The following VPS13B variants were observed in gnomAD, a reference collection of about 807,000 sequenced individuals.
VPS13B encodes vacuolar protein sorting 13 homolog B.
Under a neutral mutation model 426.4 loss-of-function variants are expected in VPS13B, and 285 were observed. The ratio of observed to expected loss-of-function variants is 0.67; its 90% confidence interval spans 0.61 to 0.74. VPS13B has a LOEUF of 0.74. Ranked by LOEUF, VPS13B falls within the 30% of genes least tolerant of loss-of-function variation. The probability of loss-of-function intolerance (pLI) is 0.00; values close to 1 mark genes in which losing one functional copy is unlikely to be tolerated. For missense variants in VPS13B, 4,537 were observed against 4,782.6 expected (o/e 0.95, Z 1.51); for synonymous variants, 1,676 against 1,676.4 (o/e 1.00, Z 0.01).
chr8:99,128,159 G>A (rs919398449), intron 8 of VPS13B, among the ~76,000 whole-genome samples: 2 of 151,880 alleles, frequency 1.3e-5, no homozygotes, highest in Non-Finnish European at 2.9e-5. Context: ...GGGAGGCTGA[G>A]GTGGGCGGAT....
At chr8:99,688,198 A>G (rs910858120) in intron 35 of VPS13B, among the ~76,000 whole-genome samples, 5 of 150,684 alleles carry the variant, frequency 3.3e-5, no homozygotes, top group African/African-American at 7.4e-5. Flanking sequence ...GGAGGAGGCA[A>G]TAAAGAGTTT....
intron 19 of VPS13B, among the ~76,000 whole-genome samples, chr8:99,349,331 T>C (rs1274015516): frequency 2.9e-4 from 1 of 3,434 alleles, no homozygotes; most frequent in Non-Finnish European, 7.0e-4. Flanking sequence ...AGACTCCGTC[T>C]CAAAAAAAAA....
intron 33 of VPS13B, among the ~76,000 whole-genome samples, chr8:99,596,069 C>T (rs4735624): frequency 0.041 from 6,281 of 151,972 alleles, 139 homozygotes; most frequent in East Asian, 0.06. Flanking sequence ...GAATGTTTAC[C>T]TACATAACCT....
At chr8:99,427,946 G>T (rs573456348) in intron 21 of VPS13B, among the ~76,000 whole-genome samples, 54 of 152,010 alleles carry the variant, frequency 3.6e-4, no homozygotes, top group Non-Finnish European at 4.1e-4. Flanking sequence ...GAGATATAGA[G>T]CAATGGAACA....
chr8:99,089,998 A>C (rs1462145344), intron 3 of VPS13B, among the ~76,000 whole-genome samples: 1 of 152,166 alleles, frequency 6.6e-6, no homozygotes, highest in Non-Finnish European at 1.5e-5. Flanking sequence ...AATACTGGTC[A>C]GTTGTGCCTG....
In VPS13B at chr8:99,575,665, C is replaced by A. The variant is rs766323056; in HGVS notation, c.4957C>A (p.Arg1653=). Residue 1653 remains arginine (R), a synonymous_variant, in exon 32 of 62, where the codon CGG becomes AGG. Coordinates refer to ENST00000357162, the MANE Select transcript of VPS13B (RefSeq NM_152564.5). ...TTTTACTCTATCTTTTAGCATACGG[C>A]GGCATCAAGAAAGGAGAGCAATTTT... is the stretch of plus-strand genomic sequence containing the variant. ...LEWNMASSIR[R]HQERRAILTP... is the part of the protein sequence containing the mutation. 1 of 1,613,768 alleles carries A rather than the reference C, an allele frequency of 6.2e-7. No individual in the cohort carries two copies. The highest frequency in any genetic ancestry group is 8.5e-7 in the Non-Finnish European group (1 of 1,179,876).
chr8:99,513,449 G>GATTTTGA (rs1821900237), intron 29 of VPS13B, among the ~76,000 whole-genome samples: 1 of 152,100 alleles, frequency 6.6e-6, no homozygotes, highest in Non-Finnish European at 1.5e-5. Flanking sequence ...TATGAAAAAA[G>GATTTTGA]CTGAGGAAAT....
Position 99,462,450 on chromosome 8 carries a change from C to G in VPS13B, c.3446-4964C>G, listed in dbSNP as rs1818893411. Among the ~76,000 whole-genome samples, 3 of 152,116 alleles carry G rather than the reference C, an allele frequency of 2.0e-5. No homozygotes were observed. In the South Asian group the frequency reaches 6.2e-4, roughly 32 times the overall value. On this transcript the variant is annotated intron_variant, in intron 23 of 61. Transcript: ENST00000357162. The stretch of plus-strand genomic sequence containing the variant: ...TTTCTGTGGATCTTGGCCATTCTTT[C>G]TGAACGTTCTTCATGGGCTGTTTTT...
intron 33 of VPS13B, among the ~76,000 whole-genome samples, chr8:99,620,581 A>G (rs1335402538): frequency 6.6e-6 from 1 of 152,148 alleles, no homozygotes; most frequent in East Asian, 1.9e-4. Context: ...CTCTGTGGTT[A>G]TAAGGATAAA....
At position 99,790,455 on chromosome 8, in the gene VPS13B, T is replaced by C. The variant is rs1812483494; in HGVS notation, c.7941+5979T>C. Among the ~76,000 whole-genome samples the C allele has an allele frequency of 1.3e-5, 2 of 152,310 alleles. 1 individual carries two copies. The highest frequency in any genetic ancestry group is 6.8e-3 in the Middle Eastern group (2 of 294). ...AAATATATACATTCTTCTAAGGAACTTACTGTCTATTGAGGGACCCAGAAA... is the reference window on the plus strand; with the variant it reads ...AAATATATACATTCTTCTAAGGAACCTACTGTCTATTGAGGGACCCAGAAA... On this transcript the variant is annotated intron_variant, in intron 43 of 61. Transcript: ENST00000357162.
intron 17 of VPS13B, among the ~76,000 whole-genome samples, chr8:99,220,512 CAT>C (rs1370589259): frequency 6.6e-6 from 1 of 152,106 alleles, no homozygotes; most frequent in Non-Finnish European, 1.5e-5. Context: ...TGTTGTTAAA[CAT>C]ATGAAGTGAT....
intron 17 of VPS13B, among the ~76,000 whole-genome samples, chr8:99,249,648 C>T (rs1311629649): frequency 2.6e-5 from 4 of 152,140 alleles, no homozygotes; most frequent in Admixed American, 6.5e-5. Context: ...TGGTCTCGAT[C>T]TCCTGACCTC....
chr8:99,551,238 T>C (rs1824265692), intron 30 of VPS13B, among the ~76,000 whole-genome samples: 1 of 145,572 alleles, frequency 6.9e-6, no homozygotes, highest in Non-Finnish European at 1.5e-5. Context: ...CTGAATCTTT[T>C]GTCTTCAGGC....
chr8:99,283,265 A>G, intron 19 of VPS13B, among the ~76,000 whole-genome samples: 1 of 152,208 alleles, frequency 6.6e-6, no homozygotes, highest in East Asian at 1.9e-4. Flanking sequence ...AAGACAATTC[A>G]CATTTGTGGT....
intron 51 of VPS13B, 24 bp from the exon 52 acceptor site, chr8:99,832,341 ATTTT>A (rs370235149): frequency 4.5e-4 from 541 of 1,193,636 alleles, no homozygotes; most frequent in East Asian, 1.7e-3. Context: ...TGCTCTCTGC[ATTTT>A]TTTTTTTTTT....
Position 99,142,960 on chromosome 8 carries a change from T to A in VPS13B, c.1652-14T>A. The stretch of plus-strand genomic sequence containing the variant: ...CCAATTGATGCTTAAAATATAAAAT[T>A]TGACTTCTTTTAGGTTCCACAAATC... On this transcript the variant is annotated splice_polypyrimidine_tract_variant and intron_variant, in intron 12 of 61. Transcript: ENST00000357162. The A allele has an allele frequency of 4.4e-6, 7 of 1,607,556 alleles. No homozygotes were observed. The highest frequency in any genetic ancestry group is 5.9e-6 in the Non-Finnish European group (7 of 1,176,698).
intron 17 of VPS13B, chr8:99,234,337 T>G (rs112228540): frequency 6.7e-6 from 5 of 751,260 alleles, no homozygotes; most frequent in African/African-American, 3.4e-5. Flanking sequence ...GAGCCAAAGG[T>G]GCATCCAACA....
At chr8:99,356,461 A>C (rs1260477974) in intron 19 of VPS13B, among the ~76,000 whole-genome samples, 3 of 152,178 alleles carry the variant, frequency 2.0e-5, no homozygotes, top group Admixed American at 2.0e-4. Context: ...CAGCCTGGAC[A>C]ACATGGTGAG....
rs745866775 is a variant in VPS13B at position 99,854,052 on chromosome 8, G to A, written c.10663G>A (p.Val3555Met). 2.2e-5 allele frequency: 36 copies of A among 1,613,828 alleles called. No homozygotes were observed. Among genetic ancestry groups the A allele is most frequent in the Middle Eastern group, 1.6e-4 (1 of 6,084 alleles). The change falls in exon 56 of 62, where the codon GTG (valine) becomes ATG (methionine). Residue 3555 changes from valine to methionine, a missense_variant. Around this residue, in one of 2 missense-constraint regions of VPS13B, gnomAD observed 4,311 missense variants for 4,474.3 expected, o/e 0.96. Coordinates refer to ENST00000357162, the MANE Select transcript of VPS13B (RefSeq NM_152564.5). Reference sequence around the variant, plus strand: ...GGTCACACAGCACGCCAGGGCCTTGGTGAATCCTGTGAAGTTACGGAAACT... The same window carrying A: ...GGTCACACAGCACGCCAGGGCCTTGATGAATCCTGTGAAGTTACGGAAACT... ...MQVTQHARAL[V>M]NPVKLRKLVI...
Sources: allele counts gnomAD v4.1 joint callset (sites outside exome capture counted in the v4.1 genomes callset), GRCh38; gene constraint gnomAD v4.1.1; regional missense constraint gnomAD v4.1.1; transcripts MANE v1.5; gene names NCBI Gene and HGNC (gene_info 2026-07-23, HGNC 2026-07-21).